Variants in CFAP95 observed in about 807,000 individuals in gnomAD.
CFAP95 encodes the protein cilia and flagella associated protein 95, also known as cilia- and flagella-associated protein 95.
the CFAP95 span, among the ~76,000 whole-genome samples, chr9:69,889,477 TC>T: frequency 6.6e-6 from 1 of 152,220 alleles, no homozygotes; most frequent in African/African-American, 2.4e-5. Context: ...GGTCCTGAGA[TC>T]CTCTCCTAGG....
the CFAP95 span, among the ~76,000 whole-genome samples, chr9:69,863,534 C>A: frequency 6.6e-6 from 1 of 152,132 alleles, no homozygotes; most frequent in Non-Finnish European, 1.5e-5. Context: ...AAAATAAATT[C>A]ACTAATTATC....
the CFAP95 span, among the ~76,000 whole-genome samples, chr9:69,845,425 A>G: frequency 6.6e-6 from 1 of 152,058 alleles, no homozygotes. Context: ...TGATGAAAAG[A>G]TTGGGTTTGT....
At chr9:69,890,551 G>T in the CFAP95 span, among the ~76,000 whole-genome samples, 1 of 152,196 alleles carries the variant, frequency 6.6e-6, no homozygotes, top group Admixed American at 6.5e-5. Context: ...ACTCTTAACA[G>T]ATGTTGTCGT....
the CFAP95 span, among the ~76,000 whole-genome samples, chr9:69,834,420 T>G: frequency 1.3e-5 from 2 of 152,226 alleles, no homozygotes; most frequent in Non-Finnish European, 2.9e-5. Context: ...ACTTAGCATC[T>G]TATTTCCCTC....
chr9:69,828,521 A>G, the CFAP95 span, among the ~76,000 whole-genome samples: 53 of 152,242 alleles, frequency 3.5e-4, no homozygotes, highest in African/African-American at 1.2e-3. Context: ...CTCTACCAAA[A>G]AACCACCAAA....
the CFAP95 span, among the ~76,000 whole-genome samples, chr9:69,867,513 G>A: frequency 2.0e-5 from 3 of 152,172 alleles, no homozygotes; most frequent in Non-Finnish European, 2.9e-5. Flanking sequence ...AGTTTGCAGA[G>A]ATGGCTGCAG....
At chr9:69,861,607 G>A in the CFAP95 span, among the ~76,000 whole-genome samples, 1 of 151,842 alleles carries the variant, frequency 6.6e-6, no homozygotes, top group Non-Finnish European at 1.5e-5. Context: ...CTCCCCACAG[G>A]CCTTTGCTGA....
chr9:69,843,076 C>T, the CFAP95 span, among the ~76,000 whole-genome samples: 1 of 152,096 alleles, frequency 6.6e-6, no homozygotes, highest in East Asian at 1.9e-4. Flanking sequence ...CCACACTTAC[C>T]ATGTTGTAGA....
the CFAP95 span, among the ~76,000 whole-genome samples, chr9:69,834,496 G>A: frequency 4.6e-5 from 7 of 152,188 alleles, no homozygotes; most frequent in Non-Finnish European, 8.8e-5. Flanking sequence ...CCCTTCAGCT[G>A]TTTTCAAAGT....
At chr9:69,868,321 TAAAC>T in the CFAP95 span, among the ~76,000 whole-genome samples, 190 of 149,574 alleles carry the variant, frequency 1.3e-3, 1 homozygote, top group African/African-American at 4.3e-3. Flanking sequence ...AAGCAAAAAA[TAAAC>T]AAACAAAAAT....
the CFAP95 span, among the ~76,000 whole-genome samples, chr9:69,871,505 A>G: frequency 6.6e-6 from 1 of 151,890 alleles, no homozygotes; most frequent in East Asian, 1.9e-4. Flanking sequence ...TCAAGGCAAG[A>G]TGTAATAAGG....
chr9:69,871,491 C>T, the CFAP95 span, among the ~76,000 whole-genome samples: 6 of 149,428 alleles, frequency 4.0e-5, no homozygotes, highest in Non-Finnish European at 5.9e-5. Context: ...CAATCTTGAA[C>T]GTATCAAGGC....
chr9:69,896,323 C>CT, the CFAP95 span, among the ~76,000 whole-genome samples: 1 of 152,146 alleles, frequency 6.6e-6, no homozygotes, highest in African/African-American at 2.4e-5. Flanking sequence ...TTGTGTATTG[C>CT]TTAGTTTTTG....
At chr9:69,893,787 C>A in the CFAP95 span, among the ~76,000 whole-genome samples, 2 of 152,258 alleles carry the variant, frequency 1.3e-5, no homozygotes, top group South Asian at 4.1e-4. Flanking sequence ...TTATTACTTT[C>A]ATTTTAGTGC....
chr9:69,837,944 A>G, the CFAP95 span, among the ~76,000 whole-genome samples: 4 of 152,314 alleles, frequency 2.6e-5, 1 homozygote, highest in East Asian at 1.9e-4. Flanking sequence ...TCAGCTTTCT[A>G]CATATGACTA....
the CFAP95 span, among the ~76,000 whole-genome samples, chr9:69,892,390 T>G: frequency 6.6e-6 from 1 of 152,320 alleles, no homozygotes; most frequent in South Asian, 2.1e-4. Flanking sequence ...CCATCCCAGA[T>G]GCAGATGCAT....
the CFAP95 span, among the ~76,000 whole-genome samples, chr9:69,844,801 CAA>C: frequency 6.6e-6 from 1 of 152,194 alleles, no homozygotes; most frequent in African/African-American, 2.4e-5. Context: ...GCCTACCTCA[CAA>C]AGTGATTGGG....
the CFAP95 span, among the ~76,000 whole-genome samples, chr9:69,867,927 G>A: frequency 1.3e-5 from 2 of 152,146 alleles, no homozygotes; most frequent in African/African-American, 4.8e-5. Flanking sequence ...AAACCACCCG[G>A]CTGAGCTAAT....
the CFAP95 span, among the ~76,000 whole-genome samples, chr9:69,829,100 T>C: frequency 6.6e-6 from 1 of 152,228 alleles, no homozygotes; most frequent in Admixed American, 6.5e-5. Context: ...CACCCTTTCA[T>C]TCTCGTCTGC....
Sources: gnomAD v4.1 joint callset for allele counts (sites outside exome capture counted in the v4.1 genomes callset) on GRCh38, gnomAD v4.1.1 for gene constraint, MANE v1.5 for transcripts, NCBI Gene and HGNC (gene_info 2026-07-23, HGNC 2026-07-21) for gene names.